Variants in PCDHA12 observed in about 807,000 individuals in gnomAD.
The protein encoded by PCDHA12 is protocadherin alpha 12.
PCDHA12 carries 44 observed loss-of-function variants against 60.0 expected under a neutral mutation model. That is an observed-to-expected ratio of 0.73 (90% CI 0.58 to 0.94). The LOEUF (loss-of-function observed/expected upper bound fraction) is 0.94. PCDHA12 is among the 40% of genes least tolerant of loss of function. The probability of loss-of-function intolerance (pLI) is 0.00; values close to 1 mark genes in which losing one functional copy is unlikely to be tolerated. For synonymous variants in PCDHA12, 569 were observed against 553.0 expected, an observed-to-expected ratio of 1.03 and a Z score of -0.40; for missense variants, 1,276 against 1,239.7, an observed-to-expected ratio of 1.03 and a Z score of -0.44.
At chr5:140,987,275 CTA>C (rs1554249023) in intron 3 of PCDHA12, among the ~76,000 whole-genome samples, 1 of 151,726 alleles carries the variant, frequency 6.6e-6, no homozygotes, top group Non-Finnish European at 1.5e-5. Context: ...ACCCGGCAGT[CTA>C]TGTTTTAACA....
At chr5:140,960,267 C>T (rs1182915204) in intron 1 of PCDHA12, among the ~76,000 whole-genome samples, 3 of 152,266 alleles carry the variant, frequency 2.0e-5, no homozygotes, top group South Asian at 2.1e-4. Flanking sequence ...CTGATAAATT[C>T]CGTCACCTTT....
intron 1 of PCDHA12, among the ~76,000 whole-genome samples, chr5:140,915,642 C>CTCTG (rs1236956905): frequency 1.3e-5 from 2 of 152,012 alleles, no homozygotes; most frequent in African/African-American, 2.4e-5. Context: ...CTCTCTCTCT[C>CTCTG]TCTCTCTCTC....
At chr5:140,969,253 C>T in intron 1 of PCDHA12, 3 of 1,614,202 alleles carry the variant, frequency 1.9e-6, no homozygotes, top group Non-Finnish European at 2.5e-6. Flanking sequence ...TGACTGACAG[C>T]AGGAATCTCA....
chr5:140,939,349 TA>T (rs1233387801), intron 1 of PCDHA12, among the ~76,000 whole-genome samples: 4 of 152,154 alleles, frequency 2.6e-5, no homozygotes, highest in Admixed American at 6.5e-5. Context: ...CATTTCAACT[TA>T]TGATTGCAAA....
chr5:140,967,959 G>A lies in PCDHA12; in HGVS notation c.2368-10990G>A, dbSNP rs782716187. ...AATGACCAAGACTCAGGCCCCAACC[G>A]GAAAGTGAGCCTGGGTCTGGAGGCC... On this transcript the variant is annotated intron_variant, in intron 1 of 3. Transcript: ENST00000398631. The A allele has an allele frequency of 1.5e-5, 25 of 1,614,046 alleles. No individual in the cohort carries two copies. Among genetic ancestry groups the A allele is most frequent in the Non-Finnish European group, 1.9e-5 (23 of 1,180,058 alleles).
intron 1 of PCDHA12, among the ~76,000 whole-genome samples, chr5:140,921,467 A>G (rs1287124986): frequency 1.3e-5 from 2 of 152,204 alleles, no homozygotes; most frequent in East Asian, 1.9e-4. Flanking sequence ...TGCAACCACT[A>G]CCAAACCACT....
At chr5:140,953,254 C>A (rs1483553184) in intron 1 of PCDHA12, among the ~76,000 whole-genome samples, 3 of 152,098 alleles carry the variant, frequency 2.0e-5, no homozygotes, top group Non-Finnish European at 2.9e-5. Flanking sequence ...CAGTTTAGTT[C>A]TTTTAGCTTT....
intron 1 of PCDHA12, among the ~76,000 whole-genome samples, chr5:140,958,752 T>A (rs1423879082): frequency 6.6e-6 from 1 of 152,166 alleles, no homozygotes; most frequent in Non-Finnish European, 1.5e-5. Context: ...AAAGGAGATT[T>A]TTACCCATTT....
chr5:140,883,946 G>A, intron 1 of PCDHA12: 5 of 1,613,392 alleles, frequency 3.1e-6, no homozygotes, highest in Middle Eastern at 1.7e-4. Context: ...GGACGAGAAC[G>A]ACAACGCTCC....
intron 1 of PCDHA12, among the ~76,000 whole-genome samples, chr5:140,975,386 G>A (rs2096665314): frequency 6.6e-6 from 1 of 152,252 alleles, no homozygotes; most frequent in Admixed American, 6.5e-5. Flanking sequence ...ATGGGAATAA[G>A]ATCCATCACA....
At chr5:140,898,408 G>A (rs1189859035) in intron 1 of PCDHA12, among the ~76,000 whole-genome samples, 7 of 152,096 alleles carry the variant, frequency 4.6e-5, no homozygotes, top group African/African-American at 9.7e-5. Flanking sequence ...TTCTACATAC[G>A]GCTAGCCAGT....
At chr5:140,935,520 G>A (rs1404556030) in intron 1 of PCDHA12, among the ~76,000 whole-genome samples, 1 of 152,154 alleles carries the variant, frequency 6.6e-6, no homozygotes, top group Non-Finnish European at 1.5e-5. Context: ...CAGTAGGCAT[G>A]TACAGTCAAA....
Position 140,884,585 on chromosome 5 carries a change from A to G in PCDHA12, c.2367+6746A>G, listed in dbSNP as rs2060279044. 1.9e-6 allele frequency: 3 copies of G among 1,614,072 alleles called. No individual in the cohort carries two copies. The South Asian group carries it at 3.3e-5, about 18-fold the overall frequency. On this transcript the variant is annotated intron_variant, in intron 1 of 3. Coordinates refer to ENST00000398631, the MANE Select transcript of PCDHA12 (RefSeq NM_018903.4). ...GCATAAGACGGACCTCATGGCCTTC[A>G]GTCCCAGCCTTCCTCCTTGTCTGGG...
intron 3 of PCDHA12, among the ~76,000 whole-genome samples, chr5:140,993,781 A>T (rs1587593339): frequency 6.6e-6 from 1 of 152,216 alleles, no homozygotes; most frequent in African/African-American, 2.4e-5. Flanking sequence ...TATTTTGTAC[A>T]GTAACATGCT....
Position 140,884,639 on chromosome 5 carries a change from G to A in PCDHA12, c.2367+6800G>A, listed in dbSNP as rs781835096. ...TGCAGAGGGAACAGGCCAGAGGGAG[G>A]AGGACTCAGAATGCTTGAAAGAGGT... On this transcript the variant is annotated intron_variant, in intron 1 of 3. Coordinates refer to ENST00000398631, the MANE Select transcript of PCDHA12 (RefSeq NM_018903.4). 55 of 1,610,606 alleles carry A rather than the reference G, an allele frequency of 3.4e-5. No homozygotes were observed. The South Asian group carries it at 5.6e-4, about 16-fold the overall frequency.
intron 1 of PCDHA12, chr5:140,927,588 A>G (rs914756357): frequency 1.9e-6 from 3 of 1,614,210 alleles, no homozygotes; most frequent in East Asian, 2.2e-5. Context: ...ACGCGCCTGT[A>G]TTTGAGCGCT....
intron 3 of PCDHA12, among the ~76,000 whole-genome samples, chr5:140,987,604 T>G (rs2097261353): frequency 6.6e-6 from 1 of 152,222 alleles, no homozygotes; most frequent in Admixed American, 6.5e-5. Context: ...GTCTACCTTA[T>G]AGGGTTCTTG....
chr5:140,985,007 G>A (rs1349447884), intron 3 of PCDHA12, among the ~76,000 whole-genome samples: 2 of 151,706 alleles, frequency 1.3e-5, no homozygotes, highest in African/African-American at 4.8e-5. Flanking sequence ...GCACGATATC[G>A]GCTCACAGCA....
chr5:140,902,724 C>T (rs1463381369), intron 1 of PCDHA12, among the ~76,000 whole-genome samples: 6 of 148,640 alleles, frequency 4.0e-5, no homozygotes, highest in Admixed American at 3.3e-4. Context: ...TCCCACCCTT[C>T]CCTCCAAGTC....
Sources: allele counts gnomAD v4.1 joint callset (sites outside exome capture counted in the v4.1 genomes callset), GRCh38; gene constraint gnomAD v4.1.1; transcripts MANE v1.5; gene names NCBI Gene and HGNC (gene_info 2026-07-23, HGNC 2026-07-21).